Variants in SMAD4 observed in about 807,000 individuals in gnomAD.
SMAD4 encodes MAD homolog 4.
A neutral mutation model predicts 63.2 loss-of-function variants in SMAD4; 7 were observed. The ratio of observed to expected loss-of-function variants is 0.11; its 90% CI spans 0.06 to 0.21. SMAD4 has a LOEUF of 0.21. SMAD4 is among the 10% of genes least tolerant of loss of function. The pLI is 1.00. For synonymous variants in SMAD4, 215 were observed against 235.4 expected (o/e 0.91, Z 0.79); for missense variants, 312 against 693.8 (o/e 0.45, Z 6.18).
intron 10 of SMAD4, among the ~76,000 whole-genome samples, chr18:51,071,546 A>C (rs568273135): frequency 2.6e-5 from 4 of 152,326 alleles, no homozygotes; most frequent in Non-Finnish European, 5.9e-5. Context: ...TTTTGCTTTC[A>C]AAAGTAAAAT....
At position 51,047,130 on chromosome 18, in the gene SMAD4, A is replaced by G. The variant is rs778465458; in HGVS notation, c.84A>G (p.Gln28=). The change falls in exon 2 of 12, where the codon CAA becomes CAG. Residue 28 remains glutamine, a synonymous_variant. Transcript: ENST00000342988. ...TGCATAGTTTGATGTGCCATAGACA[A>G]GGTGGAGAGAGTGAAACATTTGCAA... ...SIVHSLMCHR[Q]GGESETFAKR... 9.3e-6 allele frequency: 15 copies of G among 1,613,998 alleles called. 1 individual carries two copies. The Admixed American group carries it at 1.3e-4, about 14-fold the overall frequency.
intron 4 of SMAD4, among the ~76,000 whole-genome samples, chr18:51,052,036 T>G (rs1173990313): frequency 6.6e-6 from 1 of 152,062 alleles, no homozygotes; most frequent in Non-Finnish European, 1.5e-5. Context: ...GGTCTCGAAC[T>G]CCTGACCTCA....
chr18:51,078,090 G>T lies in SMAD4; in HGVS notation c.1448-166G>T, dbSNP rs145208125. 6.6e-5 allele frequency among the ~76,000 whole-genome samples: 10 copies of T among 152,360 alleles called. No individual in the cohort carries two copies. The East Asian group carries it at 1.9e-3, about 29-fold the overall frequency. On this transcript the variant is annotated intron_variant, in intron 11 of 11. Coordinates refer to ENST00000342988, the MANE Select transcript of SMAD4 (RefSeq NM_005359.6). Reference sequence around the variant, plus strand: ...TTCCTTAACCAAAAGTGTGCAGCTTGTTGATAAAGTTTAGATCTACTGTTA... The same window carrying T: ...TTCCTTAACCAAAAGTGTGCAGCTTTTTGATAAAGTTTAGATCTACTGTTA...
At position 51,037,968 on chromosome 18, in the gene SMAD4, G is replaced by A. The variant is rs148892386; in HGVS notation, c.-128+7345G>A. On this transcript the variant is annotated intron_variant, in intron 1 of 11. Coordinates refer to ENST00000342988, the MANE Select transcript of SMAD4 (RefSeq NM_005359.6). ...CTTAAAGACTTTTCTGATGAGATGG[G>A]TGGTGATATTAAGGAATGTGATTAA... is the stretch of plus-strand genomic sequence containing the variant. Among the ~76,000 whole-genome samples the A allele has an allele frequency of 5.2e-3, 784 of 152,228 alleles. 1 individual carries two copies. The highest frequency in any genetic ancestry group is 9.9e-3 in the Admixed American group (152 of 15,294).
At chr18:51,039,879 T>C (rs1392486882) in intron 1 of SMAD4, among the ~76,000 whole-genome samples, 1 of 152,152 alleles carries the variant, frequency 6.6e-6, no homozygotes, top group Non-Finnish European at 1.5e-5. Context: ...TTGTCATTCA[T>C]CTTAAAAGTT....
chr18:51,080,207 G>A lies in SMAD4; in HGVS notation c.*1740G>A, dbSNP rs891285983. 4.3e-6 allele frequency: 1 copy of A among 232,344 alleles called. No homozygotes were observed. Among genetic ancestry groups the A allele is most frequent in the Non-Finnish European group, 8.5e-6 (1 of 117,552 alleles). The allele number at this position is 232,344 out of a possible 1,614,324, so 14.4% of individuals were successfully genotyped here. ...CCTTGCTCAGAAGGTCTTTTAAATA[G>A]ACCATCCTAGAAACCACTGAGTTTG... On this transcript the variant is annotated 3_prime_UTR_variant, in exon 12 of 12. Coordinates refer to ENST00000342988, the MANE Select transcript of SMAD4 (RefSeq NM_005359.6).
In SMAD4 at chr18:51,080,961, C is replaced by G. The variant is rs749343352; in HGVS notation, c.*2494C>G. On this transcript the variant is annotated 3_prime_UTR_variant, in exon 12 of 12. Transcript: ENST00000342988. ...CCAAGCCACCTGTCTTGGTTTCTTT[C>G]TACTAAGAGCCATAAAGTATAGAAA... is the stretch of plus-strand genomic sequence containing the variant. 3.5e-5 allele frequency: 7 copies of G among 199,370 alleles called. No homozygotes were observed. Among genetic ancestry groups the G allele is most frequent in the Non-Finnish European group, 6.2e-5 (6 of 96,820 alleles). The allele number at this position is 199,370 out of a possible 1,614,324, so 12.4% of individuals were successfully genotyped here. A position where few individuals can be genotyped will look rare whatever the true frequency, so the allele number is the denominator to read the frequency against.
At chr18:51,035,491 A>T (rs1909176938) in intron 1 of SMAD4, among the ~76,000 whole-genome samples, 1 of 152,188 alleles carries the variant, frequency 6.6e-6, no homozygotes, top group African/African-American at 2.4e-5. Context: ...AGCCTGGGCA[A>T]CAAAGTGAGA....
chr18:51,078,360 A>G lies in SMAD4; in HGVS notation c.1552A>G (p.Ile518Val), dbSNP rs2144478923. The change falls in exon 12 of 12, where the codon ATC becomes GTC. Residue 518 changes from isoleucine to valine, a missense_variant. By Grantham distance (29) the Ile-to-Val change is conservative. This residue lies in a region of SMAD4 where 92 missense variants were observed against 305.9 expected (regional missense o/e 0.30). Transcript: ENST00000342988. ...GGGACCGGATTACCCAAGACAGAGC[A>G]TCAAAGAAACACCTTGCTGGATTGA... ...GWGPDYPRQS[I>V]KETPCWIEIH... 6.2e-7 allele frequency: 1 copy of G among 1,614,230 alleles called. No homozygotes were observed. Among genetic ancestry groups the G allele is most frequent in the Non-Finnish European group, 8.5e-7 (1 of 1,180,040 alleles).
chr18:51,071,177 T>C (rs960494339), intron 10 of SMAD4, among the ~76,000 whole-genome samples: 7 of 152,066 alleles, frequency 4.6e-5, no homozygotes, highest in African/African-American at 1.7e-4. Flanking sequence ...TCACAGGAGA[T>C]GATATTATTG....
chr18:51,065,681 T>C, intron 9 of SMAD4, 75 bp downstream of exon 9: 1 of 1,220,328 alleles, frequency 8.2e-7, no homozygotes, highest in South Asian at 1.3e-5. Context: ...AGGTTATGTT[T>C]TCCCATGTAC....
chr18:51,065,929 A>C (rs1180285791), intron 9 of SMAD4, among the ~76,000 whole-genome samples: 2 of 152,242 alleles, frequency 1.3e-5, no homozygotes, highest in Non-Finnish European at 2.9e-5. Context: ...AAAGGAAGTA[A>C]TATTAAATGA....
intron 10 of SMAD4, among the ~76,000 whole-genome samples, chr18:51,072,806 G>A (rs1479800305): frequency 6.6e-6 from 1 of 152,110 alleles, no homozygotes; most frequent in African/African-American, 2.4e-5. Context: ...GAGCCAAAAA[G>A]AATATTTAAA....
At chr18:51,041,501 GC>G (rs1447387137) in intron 1 of SMAD4, among the ~76,000 whole-genome samples, 1 of 152,196 alleles carries the variant, frequency 6.6e-6, no homozygotes, top group Non-Finnish European at 1.5e-5. Flanking sequence ...AGGGTATTTA[GC>G]AGCAACCATG....
At position 51,054,998 on chromosome 18, in the gene SMAD4, G is replaced by GCCTGCCAGTA. The variant is rs764527544; in HGVS notation, c.667+5_667+6insCCTGCCAGTA. The stretch of plus-strand genomic sequence containing the variant: ...ACATTCCTGTGGCTTCCACAAGTGA[G>GCCTGCCAGTA]TTCTAGAATCAGATGTAGTCAGCAA... On this transcript the variant is annotated splice_donor_region_variant and intron_variant, in intron 5 of 11. Transcript: ENST00000342988. 2 of 1,608,292 alleles carry GCCTGCCAGTA rather than the reference G, an allele frequency of 1.2e-6. No individual in the cohort carries two copies. Among genetic ancestry groups the GCCTGCCAGTA allele is most frequent in the Non-Finnish European group, 8.5e-7 (1 of 1,174,658 alleles).
At chr18:51,031,099 G>A (rs1370770984) in intron 1 of SMAD4, among the ~76,000 whole-genome samples, 3 of 152,166 alleles carry the variant, frequency 2.0e-5, no homozygotes, top group African/African-American at 7.2e-5. Context: ...TTACGCTTCT[G>A]GCTTTGATAT....
At chr18:51,065,678 GT>G in intron 9 of SMAD4, 72 bp downstream of exon 9, 1 of 1,209,050 alleles carries the variant, frequency 8.3e-7, no homozygotes, top group South Asian at 1.3e-5. Context: ...TCAAGGTTAT[GT>G]TTTCCCATGT....
At chr18:51,040,436 A>T (rs975233519) in intron 1 of SMAD4, among the ~76,000 whole-genome samples, 6 of 151,850 alleles carry the variant, frequency 4.0e-5, no homozygotes, top group South Asian at 2.1e-4. Flanking sequence ...AAAAAAAAAA[A>T]TTTTAAGCAC....
intron 1 of SMAD4, among the ~76,000 whole-genome samples, chr18:51,032,293 G>A (rs978565871): frequency 2.0e-5 from 3 of 152,054 alleles, no homozygotes; most frequent in African/African-American, 7.2e-5. Context: ...TATTTTTGAA[G>A]TGGGAGTGTA....
Sources: allele counts gnomAD v4.1 joint callset (sites outside exome capture counted in the v4.1 genomes callset), GRCh38; gene constraint gnomAD v4.1.1; regional missense constraint gnomAD v4.1.1; transcripts MANE v1.5; gene names NCBI Gene and HGNC (gene_info 2026-07-23, HGNC 2026-07-21).